The following BCAS3 variants were observed in gnomAD, a reference collection of about 807,000 sequenced individuals.
BCAS3 encodes BCAS4/BCAS3 fusion.
BCAS3 carries 53 observed loss-of-function variants against 116.1 expected under a neutral mutation model. The ratio of observed to expected loss-of-function variants is 0.46; its 90% confidence interval spans 0.37 to 0.57. The LOEUF is 0.57. Ranked by LOEUF, BCAS3 falls within the 20% of genes least tolerant of loss-of-function variation. BCAS3 has a pLI of 0.00. For missense variants in BCAS3, 917 were observed against 1,165.4 expected (o/e 0.79, Z 3.10); for synonymous variants, 391 against 408.2 (o/e 0.96, Z 0.51).
rs779823234 is a variant in BCAS3 at position 61,307,174 on chromosome 17, C to T, written c.2426-61153C>T. Reference sequence around the variant, plus strand: ...TGAAGTGAAGAGCCTAGCCTAGTGCCGGCCCAAGTTGGGACTTGCTGAACA... The same window carrying T: ...TGAAGTGAAGAGCCTAGCCTAGTGCTGGCCCAAGTTGGGACTTGCTGAACA... On this transcript the variant is annotated intron_variant, in intron 22 of 23. Coordinates refer to ENST00000407086, the MANE Select transcript of BCAS3 (RefSeq NM_017679.5). The surrounding 1 kb of genome is among the most constrained non-coding windows in gnomAD (Gnocchi z 4.7). Among the ~76,000 whole-genome samples the T allele has an allele frequency of 5.9e-5, 9 of 152,234 alleles. No individual in the cohort carries two copies. Among genetic ancestry groups the T allele is most frequent in the Non-Finnish European group, 1.2e-4 (8 of 68,044 alleles).
intron 22 of BCAS3, among the ~76,000 whole-genome samples, chr17:61,254,809 G>A (rs536469231): frequency 2.9e-5 from 4 of 139,616 alleles, no homozygotes; most frequent in African/African-American, 1.1e-4. Context: ...AATTTATACT[G>A]CTTTAAATAC....
intron 6 of BCAS3, among the ~76,000 whole-genome samples, chr17:60,795,589 C>T (rs1818454402): frequency 6.6e-6 from 1 of 152,038 alleles, no homozygotes; most frequent in Non-Finnish European, 1.5e-5. Flanking sequence ...AAGGCATGTC[C>T]CTTGTATGAT....
chr17:60,938,834 G>A (rs1261883564), intron 13 of BCAS3, among the ~76,000 whole-genome samples: 1 of 152,084 alleles, frequency 6.6e-6, no homozygotes, highest in Non-Finnish European at 1.5e-5. Flanking sequence ...TTAAAAGCCA[G>A]TAAGCACACA....
chr17:61,031,976 T>C (rs956269249), intron 16 of BCAS3, among the ~76,000 whole-genome samples: 1 of 152,134 alleles, frequency 6.6e-6, no homozygotes, highest in Non-Finnish European at 1.5e-5. Context: ...ATGTAACTTA[T>C]AGATGTATAA....
At chr17:60,733,009 A>G (rs900892351) in intron 5 of BCAS3, among the ~76,000 whole-genome samples, 12 of 152,180 alleles carry the variant, frequency 7.9e-5, no homozygotes, top group Non-Finnish European at 1.8e-4. Context: ...AGTGAGACCA[A>G]TATAGACTGA....
rs56928188 is a variant in BCAS3 at position 61,282,911 on chromosome 17, AAT to A, written c.2426-85409_2426-85408del. The stretch of plus-strand genomic sequence containing the variant: ...AGTGAAGGGGAGAAATCACAGTAAA[AAT>A]ATATATTTTCAATATATTTGTATAT... On this transcript the variant is annotated intron_variant, in intron 22 of 23. Transcript: ENST00000407086. The surrounding 1 kb of genome is among the most constrained non-coding windows in gnomAD (Gnocchi z 5.9). Among the ~76,000 whole-genome samples, 6,704 of 150,998 alleles carry A rather than the reference AAT, an allele frequency of 0.044. 489 individuals carry two copies. Among genetic ancestry groups the A allele is most frequent in the African/African-American group, 0.15 (6,268 of 41,256 alleles).
intron 19 of BCAS3, chr17:61,070,276 G>A (rs1170642115): frequency 6.9e-7 from 1 of 1,444,572 alleles, no homozygotes; most frequent in Non-Finnish European, 9.6e-7. Flanking sequence ...AGAGAAGAAG[G>A]CATATGTTCG....
intron 22 of BCAS3, among the ~76,000 whole-genome samples, chr17:61,271,295 T>G (rs1210518247): frequency 1.5e-5 from 2 of 135,702 alleles, no homozygotes; most frequent in Non-Finnish European, 3.1e-5. Context: ...GCCCGACTAG[T>G]TTTTTGTATT....
rs372705763 is a variant in BCAS3, at chr17:60,735,618, T to G, written c.322-11580T>G. 7.2e-4 allele frequency among the ~76,000 whole-genome samples: 110 copies of G among 152,126 alleles called. 4 individuals are homozygous for G. The South Asian group carries it at 0.022, about 31-fold the overall frequency. On this transcript the variant is annotated intron_variant, in intron 5 of 23. Transcript: ENST00000407086. ...ACAGGTGCATGCCACCATGCAGCACTAATTTTTGTGTTTTTTATAGAGACA... is the reference window on the plus strand; with the variant it reads ...ACAGGTGCATGCCACCATGCAGCACGAATTTTTGTGTTTTTTATAGAGACA...
rs2064487797 is a variant in BCAS3 at position 61,004,266 on chromosome 17, A to G, written c.1487-11485A>G. On this transcript the variant is annotated intron_variant, in intron 15 of 23. Transcript: ENST00000407086. This position sits in a 1 kb window ranked among gnomAD's most constrained non-coding sequence, Gnocchi z 4.8. ...GCTGAAGTGAATGAATGTAAAAACTACTTATTCAGATAAAGAAGTGCAAAT... is the reference window on the plus strand; with the variant it reads ...GCTGAAGTGAATGAATGTAAAAACTGCTTATTCAGATAAAGAAGTGCAAAT... Among the ~76,000 whole-genome samples, 1 of 152,146 alleles carries G rather than the reference A, an allele frequency of 6.6e-6. No homozygotes were observed. Among genetic ancestry groups the G allele is most frequent in the Non-Finnish European group, 1.5e-5 (1 of 68,022 alleles).
rs1205108646 is a variant in BCAS3 at position 61,239,358 on chromosome 17, A to C, written c.2426-128969A>C. ...AAAGCCTGAGTTTGAAATAATGATT[A>C]GCTCTACAGATTTTCAGCTTTTTGT... On this transcript the variant is annotated intron_variant, in intron 22 of 23. Transcript: ENST00000407086. This position sits in a 1 kb window ranked among gnomAD's most constrained non-coding sequence, Gnocchi z 4.2. Among the ~76,000 whole-genome samples, 1 of 152,222 alleles carries C rather than the reference A, an allele frequency of 6.6e-6. No homozygotes were observed. Among genetic ancestry groups the C allele is most frequent in the East Asian group, 1.9e-4 (1 of 5,202 alleles).
rs551192263 is a variant in BCAS3, at chr17:61,104,945, G to A, written c.2425+20381G>A. On this transcript the variant is annotated intron_variant, in intron 22 of 23. Transcript: ENST00000407086. The surrounding 1 kb of genome is among the most constrained non-coding windows in gnomAD (Gnocchi z 4.1). Reference sequence around the variant, plus strand: ...GTACCAGGTTGTTTAATAAAACTAGGAATAGCTGAGAGTAGGAAAACTCAT... The same window carrying A: ...GTACCAGGTTGTTTAATAAAACTAGAAATAGCTGAGAGTAGGAAAACTCAT... Among the ~76,000 whole-genome samples, 2 of 152,256 alleles carry A rather than the reference G, an allele frequency of 1.3e-5. No individual in the cohort carries two copies. The highest frequency in any genetic ancestry group is 4.8e-5 in the African/African-American group (2 of 41,542).
At chr17:60,989,408 T>A (rs1395543832) in intron 14 of BCAS3, among the ~76,000 whole-genome samples, 1 of 152,168 alleles carries the variant, frequency 6.6e-6, no homozygotes, top group Non-Finnish European at 1.5e-5. Flanking sequence ...CACTGTATGA[T>A]AAGTGTCATA....
intron 6 of BCAS3, among the ~76,000 whole-genome samples, chr17:60,763,878 G>A (rs1218554706): frequency 6.6e-6 from 1 of 152,172 alleles, no homozygotes; most frequent in Non-Finnish European, 1.5e-5. Context: ...TTCAGAGCCT[G>A]TTATCGGTCT....
intron 22 of BCAS3, among the ~76,000 whole-genome samples, chr17:61,179,077 T>G (rs1195248815): frequency 6.6e-6 from 1 of 152,078 alleles, no homozygotes; most frequent in Non-Finnish European, 1.5e-5. Context: ...CAGCCTAACA[T>G]TAGCATTTTT....
chr17:60,933,572 G>C (rs2059772587), intron 13 of BCAS3, among the ~76,000 whole-genome samples: 1 of 152,112 alleles, frequency 6.6e-6, no homozygotes. Context: ...AAATTCTTCT[G>C]GTTACTTAAA....
intron 4 of BCAS3, among the ~76,000 whole-genome samples, chr17:60,695,466 C>T (rs58040633): frequency 0.047 from 7,088 of 152,232 alleles, 589 homozygotes; most frequent in African/African-American, 0.16. Context: ...TGTGTTGCTT[C>T]TACCTTTTGG....
At chr17:60,724,829 G>A (rs2039662689) in intron 5 of BCAS3, among the ~76,000 whole-genome samples, 1 of 151,568 alleles carries the variant, frequency 6.6e-6, no homozygotes, top group Non-Finnish European at 1.5e-5. Context: ...TATGAGATGG[G>A]GTCAGGGTTA....
intron 22 of BCAS3, among the ~76,000 whole-genome samples, chr17:61,296,461 T>C (rs2052917441): frequency 6.6e-6 from 1 of 152,218 alleles, no homozygotes; most frequent in South Asian, 2.1e-4. Context: ...TTCAGAATTC[T>C]GCCTCTTTTT....
Sources: allele counts gnomAD v4.1 joint callset (sites outside exome capture counted in the v4.1 genomes callset), GRCh38; gene constraint gnomAD v4.1.1; non-coding constraint Gnocchi (gnomAD v3.1); transcripts MANE v1.5; gene names NCBI Gene and HGNC (gene_info 2026-07-23, HGNC 2026-07-21).